NSD2: variants seen among roughly 807,000 people sequenced by gnomAD.
NSD2 encodes histone-lysine N-methyltransferase NSD2.
A neutral mutation model predicts 139.0 loss-of-function variants in NSD2; 12 were observed. The ratio of observed to expected loss-of-function variants is 0.09; its 90% CI spans 0.06 to 0.14. The LOEUF (loss-of-function observed/expected upper bound fraction) is 0.14, where lower values mean the gene tolerates loss of function less well. Ranked by LOEUF, NSD2 falls within the 10% of genes least tolerant of loss-of-function variation. The pLI is 1.00. For missense variants in NSD2, 1,155 were observed against 1,745.0 expected (o/e 0.66, Z 6.02); for synonymous variants, 669 against 648.7 (o/e 1.03, Z -0.48).
intron 3 of NSD2, among the ~76,000 whole-genome samples, chr4:1,904,728 AT>A (rs1560603769): frequency 6.6e-6 from 1 of 152,214 alleles, no homozygotes; most frequent in Non-Finnish European, 1.5e-5. Context: ...GTCCAAGTGA[AT>A]TTTATTAGGC....
At chr4:1,933,173 G>T (rs1437134485) in intron 6 of NSD2, among the ~76,000 whole-genome samples, 2 of 152,220 alleles carry the variant, frequency 1.3e-5, no homozygotes, top group Non-Finnish European at 2.9e-5. Flanking sequence ...CCACGCTTTG[G>T]CTGCTGACTC....
At chr4:1,889,701 G>A (rs924278769) in intron 1 of NSD2, among the ~76,000 whole-genome samples, 11 of 151,914 alleles carry the variant, frequency 7.2e-5, no homozygotes, top group African/African-American at 2.7e-4. Flanking sequence ...GTTTCATCAT[G>A]TTGGTCAGGC....
chr4:1,901,443 G>C (rs1195436326), intron 2 of NSD2, among the ~76,000 whole-genome samples, 192 bp downstream of exon 2: 3 of 152,224 alleles, frequency 2.0e-5, no homozygotes, highest in South Asian at 2.1e-4. Flanking sequence ...TGCCTCCTCA[G>C]TTCTCAGCTG....
At chr4:1,915,879 A>T (rs1719321352) in intron 3 of NSD2, among the ~76,000 whole-genome samples, 1 of 151,814 alleles carries the variant, frequency 6.6e-6, no homozygotes, top group Non-Finnish European at 1.5e-5. Flanking sequence ...TGCCAGGGAG[A>T]TCCCCCTCCC....
At chr4:1,971,008 A>G (rs1251309380) in intron 18 of NSD2, among the ~76,000 whole-genome samples, 1 of 152,280 alleles carries the variant, frequency 6.6e-6, no homozygotes, top group East Asian at 1.9e-4. Context: ...ATTGGATCAT[A>G]AAACCGAATT....
At chr4:1,898,468 T>G (rs1716679811) in intron 1 of NSD2, among the ~76,000 whole-genome samples, 1 of 151,958 alleles carries the variant, frequency 6.6e-6, no homozygotes, top group South Asian at 2.1e-4. Flanking sequence ...ATCGAGACCA[T>G]CCTGGGTAAC....
In NSD2 at chr4:1,956,863, C is replaced by T. The variant is rs928776149; in HGVS notation, c.2881+675C>T. ...TCCTGTGTGACTGCAGGCGGGGACC[C>T]GCGTATTTAAAGCTTGGTTAGCTCC... On this transcript the variant is annotated intron_variant, in intron 15 of 21. Coordinates refer to ENST00000508803, the MANE Select transcript of NSD2 (RefSeq NM_001042424.3). This position sits in a 1 kb window ranked among gnomAD's most constrained non-coding sequence, Gnocchi z 5.3. Among the ~76,000 whole-genome samples the T allele has an allele frequency of 6.6e-6, 1 of 152,206 alleles. No individual in the cohort carries two copies.
intron 1 of NSD2, among the ~76,000 whole-genome samples, chr4:1,872,633 A>AGAGAGCGAGC (rs1203166315): frequency 7.6e-6 from 1 of 131,118 alleles, no homozygotes; most frequent in Non-Finnish European, 1.7e-5. Flanking sequence ...AGAGAGAGAG[A>AGAGAGCGAGC]GAGCGCGCAG....
At chr4:1,938,585 T>TGGGGGGGGG in intron 8 of NSD2, 53 bp downstream of exon 8, 2 of 546,900 alleles carry the variant, frequency 3.7e-6, no homozygotes, top group Non-Finnish European at 3.5e-6. Context: ...CAGGCTGGGC[T>TGGGGGGGGG]GGGTGGGTGG....
chr4:1,922,975 A>T (rs1051163107), intron 5 of NSD2, among the ~76,000 whole-genome samples: 1 of 152,072 alleles, frequency 6.6e-6, no homozygotes, highest in Non-Finnish European at 1.5e-5. Flanking sequence ...ATGGCCCAAG[A>T]CGGGGCCCAG....
intron 9 of NSD2, chr4:1,941,296 C>A (rs1000395262): frequency 2.9e-5 from 31 of 1,056,012 alleles, no homozygotes; most frequent in Admixed American, 5.4e-5. Flanking sequence ...TAATTTTGGT[C>A]CGGTTATTCA....
rs202069262 is a variant in NSD2, at chr4:1,982,159, A to ATGAG, written c.*3252_*3255dup. 69 of 389,540 alleles carry ATGAG rather than the reference A, an allele frequency of 1.8e-4. No individual in the cohort carries two copies. Among genetic ancestry groups the ATGAG allele is most frequent in the East Asian group, 6.2e-4 (17 of 27,572 alleles). The allele number at this position is 389,540 out of a possible 1,614,324, so 24.1% of individuals were successfully genotyped here. On this transcript the variant is annotated 3_prime_UTR_variant, in exon 22 of 22. Coordinates refer to ENST00000508803, the MANE Select transcript of NSD2 (RefSeq NM_001042424.3). ...GAAAGCTGTGTTTGGAAAATTGTGTATGAGTATTTTTGTATTAAAAACATT... is the reference window on the plus strand; with the variant it reads ...GAAAGCTGTGTTTGGAAAATTGTGTATGAGTGAGTATTTTTGTATTAAAAACATT...
intron 9 of NSD2, 148 bp downstream of exon 9, chr4:1,939,926 C>G (rs1722911376): frequency 5.3e-6 from 8 of 1,506,764 alleles, no homozygotes; most frequent in South Asian, 2.6e-5. Context: ...TTGGCTAACT[C>G]AGATTCATGA....
intron 9 of NSD2, chr4:1,947,356 C>T (rs950816614): frequency 9.4e-7 from 1 of 1,061,802 alleles, no homozygotes; most frequent in Non-Finnish European, 1.1e-6. Flanking sequence ...GGCTATGTGG[C>T]TACGGCTACA....
rs1478368648 is a variant in NSD2, at chr4:1,883,211, C to G, written c.-30+11669C>G. Among the ~76,000 whole-genome samples, 3 of 152,094 alleles carry G rather than the reference C, an allele frequency of 2.0e-5. No individual in the cohort carries two copies. The East Asian group carries it at 5.8e-4, about 29-fold the overall frequency. On this transcript the variant is annotated intron_variant, in intron 1 of 21. Transcript: ENST00000508803. ...TTCTTTCTGTGTGCATTTACATTAC[C>G]TTCCATTTCAGGTTCAGAAACAAGA...
rs1373974197 is a variant in NSD2, at chr4:1,973,479, C to T, written c.3373-1384C>T. On this transcript the variant is annotated intron_variant, in intron 18 of 21. Transcript: ENST00000508803. This position sits in a 1 kb window ranked among gnomAD's most constrained non-coding sequence, Gnocchi z 5.5. ...GGCTCAGCGCGTCATGACAAAGCAT[C>T]TGCAGAGGGCAGATGAGCACCCCCA... 6.6e-6 allele frequency among the ~76,000 whole-genome samples: 1 copy of T among 152,266 alleles called. No individual in the cohort carries two copies. The highest frequency in any genetic ancestry group is 1.9e-4 in the East Asian group (1 of 5,200).
At chr4:1,885,153 T>C (rs1039724496) in intron 1 of NSD2, among the ~76,000 whole-genome samples, 1 of 152,084 alleles carries the variant, frequency 6.6e-6, no homozygotes, top group Non-Finnish European at 1.5e-5. Flanking sequence ...TTCAACTGCC[T>C]GTAACTCCTT....
intron 1 of NSD2, among the ~76,000 whole-genome samples, chr4:1,872,994 G>A (rs2108877516): frequency 6.6e-6 from 1 of 152,328 alleles, no homozygotes; most frequent in Non-Finnish European, 1.5e-5. Context: ...CTTTCCTTGT[G>A]TACTTGATGT....
chr4:1,981,843 T>C lies in NSD2; in HGVS notation c.*2934T>C, dbSNP rs1727794907. ...ATCTTGATCCTATGAGTGTAGTTGA[T>C]GACTGTTTGTTAGTCAGTAGAGTAA... On this transcript the variant is annotated 3_prime_UTR_variant, in exon 22 of 22. Coordinates refer to ENST00000508803, the MANE Select transcript of NSD2 (RefSeq NM_001042424.3). 5.0e-6 allele frequency: 2 copies of C among 398,050 alleles called. No homozygotes were observed. Among genetic ancestry groups the C allele is most frequent in the Non-Finnish European group, 8.8e-6 (2 of 226,074 alleles). The allele number at this position is 398,050 out of a possible 1,614,324, so 24.7% of individuals were successfully genotyped here.
Sources: allele counts gnomAD v4.1 joint callset (sites outside exome capture counted in the v4.1 genomes callset), GRCh38; gene constraint gnomAD v4.1.1; non-coding constraint Gnocchi (gnomAD v3.1); transcripts MANE v1.5; gene names NCBI Gene and HGNC (gene_info 2026-07-23, HGNC 2026-07-21).